Variants in CSMD3 observed in about 807,000 individuals in gnomAD.
CSMD3 encodes CUB and sushi domain-containing protein 3.
CSMD3 carries 177 observed loss-of-function variants against 435.2 expected under a neutral mutation model. The ratio of observed to expected loss-of-function variants is 0.41; its 90% confidence interval spans 0.36 to 0.46. CSMD3 has a LOEUF of 0.46. Ranked by LOEUF, CSMD3 falls within the 20% of genes least tolerant of loss-of-function variation. The pLI, the probability that CSMD3 is intolerant of heterozygous loss-of-function variation, is 0.34. For missense variants in CSMD3, 4,265 were observed against 4,504.6 expected (o/e 0.95, Z 1.52); for synonymous variants, 1,656 against 1,520.5 (o/e 1.09, Z -2.07).
intron 27 of CSMD3, among the ~76,000 whole-genome samples, chr8:112,545,446 G>C (rs1827071120): frequency 8.1e-6 from 1 of 123,516 alleles, no homozygotes; most frequent in African/African-American, 3.2e-5. Flanking sequence ...TCGTGCCACT[G>C]CACTCCAGCC....
At chr8:112,985,856 C>T (rs1198577161) in intron 6 of CSMD3, among the ~76,000 whole-genome samples, 4 of 152,130 alleles carry the variant, frequency 2.6e-5, no homozygotes, top group African/African-American at 4.8e-5. Flanking sequence ...GGTCAGGGAT[C>T]CCACTGCTTC....
intron 11 of CSMD3, among the ~76,000 whole-genome samples, chr8:112,834,193 T>A (rs2079958236): frequency 6.6e-6 from 1 of 151,952 alleles, no homozygotes; most frequent in Non-Finnish European, 1.5e-5. Context: ...AACTAATCCA[T>A]ATACTTTTGG....
chr8:112,742,087 G>A (rs1260608325), intron 13 of CSMD3, among the ~76,000 whole-genome samples: 3 of 151,812 alleles, frequency 2.0e-5, no homozygotes, highest in Admixed American at 6.6e-5. Context: ...TAAGACAAGA[G>A]TGTGTTACTA....
At chr8:112,784,257 C>A (rs1429130635) in intron 13 of CSMD3, among the ~76,000 whole-genome samples, 3 of 151,678 alleles carry the variant, frequency 2.0e-5, no homozygotes, top group Non-Finnish European at 2.9e-5. Context: ...CATAACATAC[C>A]AAAACCTATT....
At chr8:112,528,546 C>T (rs1471198431) in intron 27 of CSMD3, among the ~76,000 whole-genome samples, 1 of 151,910 alleles carries the variant, frequency 6.6e-6, no homozygotes, top group Non-Finnish European at 1.5e-5. Context: ...GGAAATAATT[C>T]CAATAAAAAG....
intron 23 of CSMD3, among the ~76,000 whole-genome samples, chr8:112,586,137 A>G (rs1284863036): frequency 1.3e-5 from 2 of 151,632 alleles, no homozygotes; most frequent in African/African-American, 4.8e-5. Flanking sequence ...TTACCATGAA[A>G]TAATATTTTT....
intron 13 of CSMD3, among the ~76,000 whole-genome samples, chr8:112,796,369 G>A (rs1206147026): frequency 6.6e-6 from 1 of 152,038 alleles, no homozygotes; most frequent in Non-Finnish European, 1.5e-5. Context: ...AAACAAAGCA[G>A]ACCAAACTTC....
At chr8:112,883,519 T>G (rs2081505522) in intron 10 of CSMD3, among the ~76,000 whole-genome samples, 1 of 152,002 alleles carries the variant, frequency 6.6e-6, no homozygotes, top group African/African-American at 2.4e-5. Context: ...ACCAACTTAT[T>G]AATTTTATTC....
In CSMD3 at chr8:112,842,730, G is replaced by T. The variant is rs532910706; in HGVS notation, c.1756-12941C>A. On this transcript the variant is annotated intron_variant, in intron 11 of 70. Transcript: ENST00000297405. ...ACAACTAGGTACTTTTTATATTTGT[G>T]TATTAGTATATGAGGAATTTTAGCA... 3.3e-5 allele frequency among the ~76,000 whole-genome samples: 5 copies of T among 151,794 alleles called. No individual in the cohort carries two copies. The East Asian group carries it at 9.7e-4, about 29-fold the overall frequency.
intron 11 of CSMD3, among the ~76,000 whole-genome samples, chr8:112,854,567 A>G (rs893616541): frequency 1.3e-5 from 2 of 152,210 alleles, no homozygotes; most frequent in Non-Finnish European, 2.9e-5. Context: ...AGGTATGGCT[A>G]AAACATACCC....
At chr8:112,927,443 G>A (rs545135642) in intron 9 of CSMD3, among the ~76,000 whole-genome samples, 1 of 152,090 alleles carries the variant, frequency 6.6e-6, no homozygotes, top group East Asian at 1.9e-4. Context: ...AATCCACCCC[G>A]CCTTGTCATT....
chr8:113,000,985 T>C (rs1439788628), intron 6 of CSMD3, among the ~76,000 whole-genome samples: 3 of 152,030 alleles, frequency 2.0e-5, no homozygotes. Context: ...ACCCAAAGGA[T>C]TCAAATCAGA....
At chr8:113,303,326 G>T (rs2132605208) in intron 2 of CSMD3, among the ~76,000 whole-genome samples, 1 of 147,292 alleles carries the variant, frequency 6.8e-6, no homozygotes, top group South Asian at 2.2e-4. Context: ...CGTGAAAATG[G>T]CCATACTACC....
At chr8:113,059,127 C>G (rs2088485645) in intron 5 of CSMD3, among the ~76,000 whole-genome samples, 1 of 152,132 alleles carries the variant, frequency 6.6e-6, no homozygotes, top group Non-Finnish European at 1.5e-5. Flanking sequence ...AAAATCTAAA[C>G]AGTTTAGAAA....
At chr8:113,141,872 T>C (rs1384759318) in intron 4 of CSMD3, among the ~76,000 whole-genome samples, 2 of 151,054 alleles carry the variant, frequency 1.3e-5, no homozygotes, top group Non-Finnish European at 3.0e-5. Flanking sequence ...TATGTTTCTC[T>C]TCATAGAAAT....
chr8:112,786,894 A>G (rs564271267), intron 13 of CSMD3, among the ~76,000 whole-genome samples: 235 of 151,716 alleles, frequency 1.5e-3, no homozygotes, highest in Non-Finnish European at 2.5e-3. Context: ...CTAGCCCCTC[A>G]CCTCCCGACA....
chr8:113,354,160 A>G lies in CSMD3; in HGVS notation c.179-39367T>C, dbSNP rs367725772. ...AAAGTCAGGACTTACTGTGTCAAAG[A>G]GAGAGAAAGTGTGCCCTTGACTTCT... On this transcript the variant is annotated intron_variant, in intron 1 of 70. Transcript: ENST00000297405. Among the ~76,000 whole-genome samples the G allele has an allele frequency of 1.5e-4, 23 of 152,286 alleles. 1 individual carries two copies. Among genetic ancestry groups the G allele is most frequent in the African/African-American group, 5.1e-4 (21 of 41,568 alleles).
chr8:113,080,875 T>G (rs2131452813), intron 5 of CSMD3, among the ~76,000 whole-genome samples: 1 of 152,342 alleles, frequency 6.6e-6, no homozygotes, highest in Non-Finnish European at 1.5e-5. Flanking sequence ...TGTATGCCAT[T>G]ATTCCTGTTA....
At chr8:112,594,909 TG>T (rs1273045855) in intron 22 of CSMD3, among the ~76,000 whole-genome samples, 1 of 151,104 alleles carries the variant, frequency 6.6e-6, no homozygotes, top group African/African-American at 2.4e-5. Flanking sequence ...ACCACAAAGA[TG>T]GGGAAAAAAC....
Sources: allele counts gnomAD v4.1 joint callset (sites outside exome capture counted in the v4.1 genomes callset), GRCh38; gene constraint gnomAD v4.1.1; transcripts MANE v1.5; gene names NCBI Gene and HGNC (gene_info 2026-07-23, HGNC 2026-07-21).